ULK4: variants seen among roughly 807,000 people sequenced by gnomAD.
ULK4 encodes inactive serine/threonine-protein kinase ULK4.
A neutral mutation model predicts 160.6 loss-of-function variants in ULK4; 133 were observed. That is an observed-to-expected ratio of 0.83 (90% confidence interval 0.72 to 0.96). The LOEUF (loss-of-function observed/expected upper bound fraction) is 0.96. Among genes scored for constraint, ULK4 ranks in the 40% least tolerant of loss-of-function variants. ULK4 has a pLI of 0.00. For synonymous variants in ULK4, 534 were observed against 539.8 expected, an observed-to-expected ratio of 0.99 and a Z score of 0.15; for missense variants, 1,580 against 1,499.5, an observed-to-expected ratio of 1.05 and a Z score of -0.89.
intron 35 of ULK4, among the ~76,000 whole-genome samples, chr3:41,314,813 G>C (rs910923725): frequency 7.3e-6 from 1 of 136,740 alleles, no homozygotes; most frequent in Non-Finnish European, 1.5e-5. Flanking sequence ...GGTGCAGTGT[G>C]TCTGTGTGTG....
intron 31 of ULK4, among the ~76,000 whole-genome samples, chr3:41,602,695 A>G (rs1383309868): frequency 6.6e-6 from 1 of 152,142 alleles, no homozygotes; most frequent in Non-Finnish European, 1.5e-5. Flanking sequence ...ATATAGTTTC[A>G]GAGCTGAATT....
At chr3:41,735,558 G>A (rs6792415) in intron 22 of ULK4, among the ~76,000 whole-genome samples, 2 of 151,784 alleles carry the variant, frequency 1.3e-5, no homozygotes, top group Non-Finnish European at 2.9e-5. Flanking sequence ...CATGTAAATT[G>A]TAGATATCCA....
At chr3:41,794,777 C>T (rs1272502299) in intron 20 of ULK4, among the ~76,000 whole-genome samples, 1 of 150,942 alleles carries the variant, frequency 6.6e-6, no homozygotes, top group African/African-American at 2.4e-5. Context: ...TCAGGGAGGT[C>T]CTAATTGAGG....
At chr3:41,392,996 T>A (rs551748908) in intron 35 of ULK4, among the ~76,000 whole-genome samples, 1 of 152,288 alleles carries the variant, frequency 6.6e-6, no homozygotes, top group African/African-American at 2.4e-5. Flanking sequence ...TCCAATCTCA[T>A]GCAGTCTTCA....
intron 35 of ULK4, among the ~76,000 whole-genome samples, chr3:41,360,868 G>A (rs2081128856): frequency 6.6e-6 from 1 of 151,870 alleles, no homozygotes; most frequent in South Asian, 2.1e-4. Flanking sequence ...AACCACCATA[G>A]CACACGTTTA....
rs560034263 is a variant in ULK4, at chr3:41,919,817, T to C, written c.543A>G (p.Gly181=). ...LKKSMKSRVK[G]SPVYTAPEVV... ...CTTCTGGTGCTGTATATACAGGAGA[T>C]CCTAAAAGCAAAGTATGAAGAACAG... Residue 181 remains glycine, a splice_region_variant and synonymous_variant, in exon 6 of 37, where the codon GGA becomes GGG. Transcript: ENST00000301831. The C allele has an allele frequency of 3.1e-6, 5 of 1,608,146 alleles. No individual in the cohort carries two copies. The highest frequency in any genetic ancestry group is 4.5e-5 in the East Asian group (2 of 44,798).
chr3:41,933,276 T>C (rs1034117313), intron 4 of ULK4, among the ~76,000 whole-genome samples: 2 of 152,314 alleles, frequency 1.3e-5, no homozygotes, highest in East Asian at 1.9e-4. Context: ...CTAATGCTGC[T>C]GGTCCAGAGG....
At chr3:41,681,838 T>C in intron 27 of ULK4, 34 bp from the exon 28 acceptor site, 1 of 1,608,412 alleles carries the variant, frequency 6.2e-7, no homozygotes, top group Non-Finnish European at 8.5e-7. Context: ...TCAGAATCTC[T>C]ATGAACACAA....
chr3:41,675,148 G>A (rs2035668537), intron 29 of ULK4, among the ~76,000 whole-genome samples: 1 of 152,064 alleles, frequency 6.6e-6, no homozygotes, highest in African/African-American at 2.4e-5. Flanking sequence ...GCTGAGGCAG[G>A]AGAATCGCCT....
intron 13 of ULK4, 81 bp from the exon 14 acceptor site, chr3:41,898,573 TAATA>T: frequency 1.2e-6 from 1 of 828,196 alleles, no homozygotes; most frequent in East Asian, 2.6e-5. Context: ...TTATGTCAGA[TAATA>T]AATCAATGAG....
chr3:41,781,938 T>TA (rs1426669936), intron 21 of ULK4, among the ~76,000 whole-genome samples: 1 of 152,130 alleles, frequency 6.6e-6, no homozygotes, highest in Admixed American at 6.5e-5. Flanking sequence ...AAATTCCACC[T>TA]AAAAAAACAA....
intron 33 of ULK4, among the ~76,000 whole-genome samples, chr3:41,455,988 C>A (rs1455425579): frequency 6.6e-6 from 1 of 152,192 alleles, no homozygotes; most frequent in Non-Finnish European, 1.5e-5. Context: ...CAGCTCACTG[C>A]AACCTCTGCC....
chr3:41,506,807 T>TATATATATAC lies in ULK4; in HGVS notation c.3227-43555_3227-43554insGTATATATAT, dbSNP rs1559658299. Among the ~76,000 whole-genome samples, 56 of 110,682 alleles carry TATATATATAC rather than the reference T, an allele frequency of 5.1e-4. 2 individuals are homozygous for TATATATATAC. Among genetic ancestry groups the TATATATATAC allele is most frequent in the African/African-American group, 1.9e-3 (54 of 29,158 alleles). The allele number at this position is 110,682 out of a possible 152,430, so 72.6% of individuals were successfully genotyped here. On this transcript the variant is annotated intron_variant, in intron 32 of 36. Coordinates refer to ENST00000301831, the MANE Select transcript of ULK4 (RefSeq NM_017886.4). Reference sequence around the variant, plus strand: ...ATATATATATATATATATATATATATGAACATGTTTTACAATTATTTTTAC... The same window carrying TATATATATAC: ...ATATATATATATATATATATATATATATATATATACGAACATGTTTTACAATTATTTTTAC...
chr3:41,791,120 G>GA (rs1468254672), intron 20 of ULK4, among the ~76,000 whole-genome samples: 2 of 152,042 alleles, frequency 1.3e-5, no homozygotes, highest in Non-Finnish European at 2.9e-5. Flanking sequence ...AAACATCTTA[G>GA]AAAAAAATTA....
intron 30 of ULK4, among the ~76,000 whole-genome samples, chr3:41,652,815 T>C (rs2034794636): frequency 6.6e-6 from 1 of 152,154 alleles, no homozygotes; most frequent in South Asian, 2.1e-4. Flanking sequence ...GTGATATTCA[T>C]TTGGATTTTT....
chr3:41,755,968 C>G (rs2038786331), intron 21 of ULK4, among the ~76,000 whole-genome samples: 1 of 152,166 alleles, frequency 6.6e-6, no homozygotes, highest in African/African-American at 2.4e-5. Flanking sequence ...CAGATACACG[C>G]ACACACACAT....
intron 4 of ULK4, among the ~76,000 whole-genome samples, chr3:41,933,700 T>C (rs1699669345): frequency 6.6e-6 from 1 of 152,124 alleles, no homozygotes; most frequent in African/African-American, 2.4e-5. Flanking sequence ...TGTTGGATTT[T>C]TTTTTTAAGC....
At chr3:41,499,162 T>G (rs1397275644) in intron 32 of ULK4, among the ~76,000 whole-genome samples, 1 of 152,188 alleles carries the variant, frequency 6.6e-6, no homozygotes, top group African/African-American at 2.4e-5. Flanking sequence ...GTCCACTTCA[T>G]TCATTCATTC....
intron 32 of ULK4, among the ~76,000 whole-genome samples, chr3:41,474,832 A>AAAG (rs1361407933): frequency 6.6e-6 from 1 of 151,396 alleles, no homozygotes; most frequent in Non-Finnish European, 1.5e-5. Flanking sequence ...AAAAAAAAAA[A>AAAG]AAGAAAACAA....
Sources: gnomAD v4.1 joint callset for allele counts (sites outside exome capture counted in the v4.1 genomes callset) on GRCh38, gnomAD v4.1.1 for gene constraint, MANE v1.5 for transcripts, NCBI Gene and HGNC (gene_info 2026-07-23, HGNC 2026-07-21) for gene names.